LRPPRC: variants seen among roughly 807,000 people sequenced by gnomAD.
The protein encoded by LRPPRC is leucine-rich PPR motif-containing protein, mitochondrial.
In LRPPRC, 120 loss-of-function variants were observed where a neutral mutation model predicts 180.3. The ratio of observed to expected loss-of-function variants is 0.67; its 90% CI spans 0.57 to 0.77. The LOEUF (loss-of-function observed/expected upper bound fraction) is 0.77, where lower values mean the gene tolerates loss of function less well. LRPPRC is among the 30% of genes least tolerant of loss of function. The pLI, the probability that LRPPRC is intolerant of heterozygous loss-of-function variation, is 0.00. For synonymous variants in LRPPRC, 723 were observed against 600.0 expected, an observed-to-expected ratio of 1.21 and a Z score of -3.00; for missense variants, 2,012 against 1,657.2, an observed-to-expected ratio of 1.21 and a Z score of -3.72.
intron 1 of LRPPRC, among the ~76,000 whole-genome samples, chr2:43,988,276 C>T (rs1169975564): frequency 6.6e-6 from 1 of 150,448 alleles, no homozygotes; most frequent in African/African-American, 2.5e-5. Context: ...GTGGCTCATG[C>T]CTGTAATCCC....
At chr2:43,966,413 T>C (rs1209219025) in intron 11 of LRPPRC, among the ~76,000 whole-genome samples, 1 of 121,314 alleles carries the variant, frequency 8.2e-6, no homozygotes, top group Non-Finnish European at 1.9e-5. Context: ...CTGGCCACAA[T>C]ATTTTTTTTT....
rs970212591 is a variant in LRPPRC, at chr2:43,886,608, C to T, written c.*1992G>A. ...GGGGGTCTTACCTATTTCCTCTGTA[C>T]CACACTCACATTTTACCAGAGTCCA... On this transcript the variant is annotated 3_prime_UTR_variant, in exon 38 of 38. Coordinates refer to ENST00000260665, the MANE Select transcript of LRPPRC (RefSeq NM_133259.4). 1.3e-5 allele frequency: 2 copies of T among 152,202 alleles called. No individual in the cohort carries two copies. Among genetic ancestry groups the T allele is most frequent in the African/African-American group, 2.4e-5 (1 of 41,462 alleles). 9.4% of individuals were successfully genotyped at this position (152,202 alleles called of 1,614,324 possible).
chr2:43,950,839 G>A (rs182641178), intron 14 of LRPPRC, among the ~76,000 whole-genome samples: 2 of 152,330 alleles, frequency 1.3e-5, no homozygotes, highest in Non-Finnish European at 1.5e-5. Context: ...GGAGGCCAAG[G>A]CAGGTGGATC....
At chr2:43,904,123 G>A (rs1361888032) in intron 31 of LRPPRC, among the ~76,000 whole-genome samples, 6 of 151,918 alleles carry the variant, frequency 3.9e-5, no homozygotes, top group Non-Finnish European at 1.5e-5. Flanking sequence ...AAAATTTTTT[G>A]TAGAGACAAG....
At chr2:43,901,772 C>A (rs1670896849) in intron 31 of LRPPRC, 3 of 492,866 alleles carry the variant, frequency 6.1e-6, no homozygotes, top group African/African-American at 1.9e-5. Context: ...ACAAATGTTA[C>A]CGACAATATG....
intron 32 of LRPPRC, among the ~76,000 whole-genome samples, chr2:43,900,352 T>C (rs62138480): frequency 0.057 from 8,747 of 152,202 alleles, 372 homozygotes; most frequent in Middle Eastern, 0.096. Flanking sequence ...TCAGTCAATA[T>C]TGTGTTGAAA....
chr2:43,945,898 T>G (rs554554735), intron 21 of LRPPRC, among the ~76,000 whole-genome samples: 22 of 152,118 alleles, frequency 1.4e-4, no homozygotes, highest in Non-Finnish European at 2.8e-4. Flanking sequence ...TTCTAAGGAC[T>G]AGAATGTCTT....
At chr2:43,934,625 A>T in intron 24 of LRPPRC, 129 bp downstream of exon 24, 1 of 737,018 alleles carries the variant, frequency 1.4e-6, no homozygotes, top group African/African-American at 1.8e-5. Flanking sequence ...TTTCTTTTAG[A>T]TTTCACAAGT....
chr2:43,937,696 T>C (rs1406337314), intron 23 of LRPPRC, among the ~76,000 whole-genome samples: 4 of 152,156 alleles, frequency 2.6e-5, no homozygotes, highest in African/African-American at 4.8e-5. Context: ...TCAAGGACAT[T>C]TGGGTTCCCT....
At chr2:43,959,254 T>C (rs1033336222) in intron 13 of LRPPRC, 1 of 711,556 alleles carries the variant, frequency 1.4e-6, no homozygotes. Context: ...GCAAAATCAA[T>C]ACACTCAGAT....
chr2:43,984,150 C>A (rs763728528), intron 1 of LRPPRC, among the ~76,000 whole-genome samples: 1 of 151,978 alleles, frequency 6.6e-6, no homozygotes, highest in Non-Finnish European at 1.5e-5. Context: ...AAACTATCCC[C>A]TTCTTAATGT....
At chr2:43,922,721 C>A (rs1671741601) in intron 27 of LRPPRC, among the ~76,000 whole-genome samples, 1 of 152,120 alleles carries the variant, frequency 6.6e-6, no homozygotes, top group African/African-American at 2.4e-5. Flanking sequence ...CTCACTCCAG[C>A]CTGGGCAACA....
At position 43,975,445 on chromosome 2, in the gene LRPPRC, T is replaced by C. The variant is rs566738117; in HGVS notation, c.738-228A>G. Among the ~76,000 whole-genome samples the C allele has an allele frequency of 4.6e-5, 7 of 152,324 alleles. No individual in the cohort carries two copies. In the South Asian group the frequency reaches 1.4e-3, roughly 32 times the overall value. ...TAATAATAATTACATAGACATTAAA[T>C]AACATACCCTCTTAATATTATGTAG... On this transcript the variant is annotated intron_variant, in intron 6 of 37. Transcript: ENST00000260665.
upstream of LRPPRC, chr2:43,996,128 T>C (rs1417369393): frequency 2.3e-5 from 13 of 553,634 alleles, no homozygotes; most frequent in South Asian, 8.7e-5. Context: ...GAAGACCCAA[T>C]GTAATATTTA....
chr2:43,968,778 A>C (rs1673670929), intron 11 of LRPPRC, among the ~76,000 whole-genome samples: 1 of 152,220 alleles, frequency 6.6e-6, no homozygotes, highest in African/African-American at 2.4e-5. Flanking sequence ...AAGATGAGTA[A>C]GTTCTAGGGT....
chr2:43,985,325 T>A (rs77006319), intron 1 of LRPPRC, among the ~76,000 whole-genome samples: 1 of 152,220 alleles, frequency 6.6e-6, no homozygotes, highest in African/African-American at 2.4e-5. Context: ...TTACAAATGA[T>A]GAACCAATGC....
intron 30 of LRPPRC, among the ~76,000 whole-genome samples, chr2:43,906,688 C>A (rs1173519260): frequency 6.6e-6 from 1 of 152,188 alleles, no homozygotes; most frequent in African/African-American, 2.4e-5. Context: ...ACAGCATGCC[C>A]TGCCAACACG....
Position 43,905,707 on chromosome 2 carries a change from G to A in LRPPRC, c.3349C>T (p.Arg1117Trp), listed in dbSNP as rs752610748. The change falls in exon 31 of 38, where the codon CGG becomes TGG. Residue 1117 changes from arginine to tryptophan, a missense_variant. Physicochemically the swap from Arg to Trp is moderately radical, Grantham distance 101 (BLOSUM62 -3). Transcript: ENST00000260665. ...NSRLIITQVRRDYLKEAVTTL... is the reference protein window; with the variant it reads ...NSRLIITQVRWDYLKEAVTTL... ...TGTGACATACCTTTCAAATAATCCCGCCTAACTTGCGTTATGATGAGGCGG... is the reference window on the plus strand; with the variant it reads ...TGTGACATACCTTTCAAATAATCCCACCTAACTTGCGTTATGATGAGGCGG... 2.9e-5 allele frequency: 46 copies of A among 1,613,056 alleles called. No individual in the cohort carries two copies. Among genetic ancestry groups the A allele is most frequent in the South Asian group, 2.5e-4 (23 of 91,066 alleles).
At chr2:43,919,344 G>A (rs1671613725) in intron 27 of LRPPRC, among the ~76,000 whole-genome samples, 1 of 152,172 alleles carries the variant, frequency 6.6e-6, no homozygotes, top group African/African-American at 2.4e-5. Context: ...CACAGCTGTG[G>A]TGTGTACTAA....
Sources: gnomAD v4.1 joint callset for allele counts (sites outside exome capture counted in the v4.1 genomes callset) on GRCh38, gnomAD v4.1.1 for gene constraint, MANE v1.5 for transcripts, NCBI Gene and HGNC (gene_info 2026-07-23, HGNC 2026-07-21) for gene names.